TMPRSS11A: variants seen among roughly 807,000 people sequenced by gnomAD.
TMPRSS11A encodes the protein transmembrane serine protease 11A.
In TMPRSS11A, 53 loss-of-function variants were observed where a neutral mutation model predicts 58.9. The ratio of observed to expected loss-of-function variants is 0.90; its 90% CI spans 0.72 to 1.13. The LOEUF (loss-of-function observed/expected upper bound fraction) is 1.13. TMPRSS11A is among the 50% of genes most tolerant of loss of function. TMPRSS11A has a pLI of 0.00. For synonymous variants in TMPRSS11A, 167 were observed against 169.8 expected (o/e 0.98, Z 0.13); for missense variants, 493 against 499.3 (o/e 0.99, Z 0.12).
intron 2 of TMPRSS11A, among the ~76,000 whole-genome samples, chr4:67,945,962 T>C (rs928327369): frequency 6.6e-6 from 1 of 152,142 alleles, no homozygotes; most frequent in Non-Finnish European, 1.5e-5. Flanking sequence ...TACGTATAGG[T>C]TTTCAATCAT....
intron 1 of TMPRSS11A, among the ~76,000 whole-genome samples, chr4:67,951,617 T>C (rs1038110025): frequency 6.6e-6 from 1 of 151,886 alleles, no homozygotes; most frequent in African/African-American, 2.4e-5. Context: ...CTTGTACATA[T>C]ATATTAACAG....
chr4:67,943,234 A>T (rs1720921603), intron 3 of TMPRSS11A, among the ~76,000 whole-genome samples: 1 of 152,258 alleles, frequency 6.6e-6, no homozygotes, highest in South Asian at 2.1e-4. Flanking sequence ...GCACCTCCGC[A>T]TTTCTCTCAC....
chr4:67,932,170 A>G, intron 3 of TMPRSS11A, 110 bp from the exon 4 acceptor site: 1 of 568,456 alleles, frequency 1.8e-6, no homozygotes. Context: ...AACTAACATC[A>G]TTATTTAAAT....
intron 4 of TMPRSS11A, among the ~76,000 whole-genome samples, chr4:67,930,829 T>TTTTAA (rs1265700805): frequency 1.3e-3 from 114 of 90,086 alleles, no homozygotes; most frequent in African/African-American, 3.4e-3. Context: ...TTTTTTTTTT[T>TTTTAA]ACAAAAAAAA....
At chr4:67,916,051 C>T (rs1720136111) in intron 8 of TMPRSS11A, among the ~76,000 whole-genome samples, 1 of 152,146 alleles carries the variant, frequency 6.6e-6, no homozygotes, top group Non-Finnish European at 1.5e-5. Context: ...CTAACTCCTT[C>T]CCCTGTAAAG....
At chr4:67,960,375 G>A (rs1035817629) in intron 1 of TMPRSS11A, among the ~76,000 whole-genome samples, 3 of 152,078 alleles carry the variant, frequency 2.0e-5, no homozygotes, top group Non-Finnish European at 2.9e-5. Flanking sequence ...TACCCTATTC[G>A]TTAAACTCAG....
chr4:67,930,074 G>T (rs1338129480), intron 4 of TMPRSS11A, 34 bp from the exon 5 acceptor site: 1 of 1,582,240 alleles, frequency 6.3e-7, no homozygotes, highest in South Asian at 1.1e-5. Flanking sequence ...CATTTTCAAA[G>T]AATACACCTG....
chr4:67,910,047 A>G lies in TMPRSS11A; in HGVS notation c.*1295T>C, dbSNP rs910962493. 9 of 152,076 alleles carry G rather than the reference A, an allele frequency of 5.9e-5. No individual in the cohort carries two copies. The highest frequency in any genetic ancestry group is 1.2e-4 in the Non-Finnish European group (8 of 67,960). The allele number at this position is 152,076 out of a possible 1,614,324, so 9.4% of individuals were successfully genotyped here. A position where few individuals can be genotyped will look rare whatever the true frequency, so the allele number is the denominator to read the frequency against. ...GAGTAAATGACTCCCCAGCCTGCAG[A>G]CCATAATATTTCACAGGCATTGCCA... On this transcript the variant is annotated 3_prime_UTR_variant, in exon 10 of 10. Coordinates refer to ENST00000508048, the MANE Select transcript of TMPRSS11A (RefSeq NM_001114387.2).
intron 7 of TMPRSS11A, among the ~76,000 whole-genome samples, chr4:67,919,861 G>T (rs1167793414): frequency 6.6e-6 from 1 of 152,132 alleles, no homozygotes; most frequent in Non-Finnish European, 1.5e-5. Context: ...AGAATGGTTG[G>T]GGGTGAGCTT....
intron 4 of TMPRSS11A, 137 bp from the exon 5 acceptor site, chr4:67,930,177 A>G (rs1720575905): frequency 1.6e-6 from 1 of 627,224 alleles, no homozygotes; most frequent in African/African-American, 1.8e-5. Context: ...TGTCATTCTG[A>G]CCCAAGGTCA....
At chr4:67,932,287 GGGA>G (rs1192722241) in intron 3 of TMPRSS11A, among the ~76,000 whole-genome samples, 1 of 152,018 alleles carries the variant, frequency 6.6e-6, no homozygotes, top group Non-Finnish European at 1.5e-5. Context: ...TGGTCTAGAG[GGGA>G]CCTAGGCACT....
At chr4:67,936,216 T>G (rs899745404) in intron 3 of TMPRSS11A, among the ~76,000 whole-genome samples, 4 of 152,112 alleles carry the variant, frequency 2.6e-5, no homozygotes, top group African/African-American at 9.7e-5. Flanking sequence ...CAGAAACTGT[T>G]GCACCCCTCT....
At chr4:67,917,380 A>G (rs532329329) in intron 8 of TMPRSS11A, among the ~76,000 whole-genome samples, 9 of 152,024 alleles carry the variant, frequency 5.9e-5, no homozygotes, top group Admixed American at 2.0e-4. Flanking sequence ...ATGTTTTTTA[A>G]TTGGTAAGCA....
At chr4:67,916,347 C>T (rs1720146528) in intron 8 of TMPRSS11A, among the ~76,000 whole-genome samples, 1 of 151,792 alleles carries the variant, frequency 6.6e-6, no homozygotes, top group Non-Finnish European at 1.5e-5. Context: ...AGATTTATTT[C>T]TGAAGAAATG....
At chr4:67,960,165 G>A (rs1401859048) in intron 1 of TMPRSS11A, among the ~76,000 whole-genome samples, 1 of 152,134 alleles carries the variant, frequency 6.6e-6, no homozygotes, top group African/African-American at 2.4e-5. Flanking sequence ...CTACTAGAGG[G>A]GCAAGGTTGG....
chr4:67,929,755 C>G lies in TMPRSS11A; in HGVS notation c.481+125G>C, dbSNP rs1720563245. ...ACACCTTGAAATGTCACATCTTTAA[C>G]TTGAATTTTTTCATCTGAATTCTAG... On this transcript the variant is annotated intron_variant, in intron 5 of 9. Coordinates refer to ENST00000508048, the MANE Select transcript of TMPRSS11A (RefSeq NM_001114387.2). 4.3e-6 allele frequency: 4 copies of G among 938,800 alleles called. No individual in the cohort carries two copies. In the South Asian group the frequency reaches 7.6e-5, roughly 18 times the overall value. The allele number at this position is 938,800 out of a possible 1,614,324, so 58.2% of individuals were successfully genotyped here. A position where few individuals can be genotyped will look rare whatever the true frequency, so the allele number is the denominator to read the frequency against.
Position 67,922,882 on chromosome 4 carries a change from A to G in TMPRSS11A, c.565T>C (p.Ser189Pro). ...VVPLNVNRIA[S>P]GVIAPKAAWP... ...GCCGCCTTGGGTGCAATGACTCCAGATGCTATTCTGTTGACGTTTAATGGA... is the reference window on the plus strand; with the variant it reads ...GCCGCCTTGGGTGCAATGACTCCAGGTGCTATTCTGTTGACGTTTAATGGA... The change falls in exon 7 of 10, where the codon TCT becomes CCT. Residue 189 changes from serine to proline, a missense_variant. Transcript: ENST00000508048. 1 of 1,614,192 alleles carries G rather than the reference A, an allele frequency of 6.2e-7. No individual in the cohort carries two copies. The highest frequency in any genetic ancestry group is 8.5e-7 in the Non-Finnish European group (1 of 1,180,020).
At chr4:67,948,304 G>A (rs541274597) in intron 1 of TMPRSS11A, among the ~76,000 whole-genome samples, 4 of 151,832 alleles carry the variant, frequency 2.6e-5, no homozygotes, top group South Asian at 2.1e-4. Context: ...GACTAAAGGC[G>A]TCCACCACCA....
At chr4:67,924,668 T>A (rs1405420052) in intron 5 of TMPRSS11A, among the ~76,000 whole-genome samples, 1 of 152,176 alleles carries the variant, frequency 6.6e-6, no homozygotes, top group Non-Finnish European at 1.5e-5. Flanking sequence ...AGGCATGTCT[T>A]ACATGGTGGC....
Sources: gnomAD v4.1 joint callset for allele counts (sites outside exome capture counted in the v4.1 genomes callset) on GRCh38, gnomAD v4.1.1 for gene constraint, MANE v1.5 for transcripts, NCBI Gene and HGNC (gene_info 2026-07-23, HGNC 2026-07-21) for gene names.